MAPK4: variants seen among roughly 807,000 people sequenced by gnomAD.
MAPK4 encodes the protein Erk3-related.
A neutral mutation model predicts 47.7 loss-of-function variants in MAPK4; 22 were observed. That is an observed-to-expected ratio of 0.46 (90% CI 0.33 to 0.66). The LOEUF (loss-of-function observed/expected upper bound fraction) is 0.66, where lower values mean the gene tolerates loss of function less well. MAPK4 is among the 30% of genes least tolerant of loss of function. MAPK4 has a pLI of 0.02. For synonymous variants in MAPK4, 390 were observed against 365.7 expected (o/e 1.07, Z -0.76); for missense variants, 736 against 831.7 (o/e 0.88, Z 1.42).
chr18:50,586,108 G>A (rs2042385640), intron 1 of MAPK4, among the ~76,000 whole-genome samples: 1 of 152,160 alleles, frequency 6.6e-6, no homozygotes, highest in African/African-American at 2.4e-5. Context: ...TCTGTACAGG[G>A]ACATCTTATA....
intron 1 of MAPK4, among the ~76,000 whole-genome samples, chr18:50,647,685 C>T (rs955587902): frequency 1.3e-5 from 2 of 152,156 alleles, no homozygotes; most frequent in Admixed American, 6.5e-5. Flanking sequence ...TTCCACACCT[C>T]GTTCAGCTCC....
chr18:50,635,690 A>G (rs2042879366), intron 1 of MAPK4, among the ~76,000 whole-genome samples: 2 of 152,176 alleles, frequency 1.3e-5, no homozygotes, highest in African/African-American at 2.4e-5. Context: ...CCTGGTCCAT[A>G]AGACCCCATG....
At chr18:50,584,285 G>A (rs2042370730) in intron 1 of MAPK4, among the ~76,000 whole-genome samples, 1 of 152,168 alleles carries the variant, frequency 6.6e-6, no homozygotes, top group South Asian at 2.1e-4. Flanking sequence ...CCTATGGGAT[G>A]TTCTGGGGTT....
chr18:50,673,455 G>A (rs988623506), intron 2 of MAPK4, among the ~76,000 whole-genome samples: 8 of 152,242 alleles, frequency 5.3e-5, no homozygotes, highest in Non-Finnish European at 1.2e-4. Context: ...CGCTGGAGTG[G>A]AGCTAGTGTG....
At chr18:50,613,653 T>C (rs1433152507) in intron 1 of MAPK4, among the ~76,000 whole-genome samples, 1 of 152,268 alleles carries the variant, frequency 6.6e-6, no homozygotes, top group Non-Finnish European at 1.5e-5. Flanking sequence ...TGCACGTATC[T>C]GCAAACACTG....
At chr18:50,666,184 G>C (rs546401218) in intron 2 of MAPK4, among the ~76,000 whole-genome samples, 42 of 152,330 alleles carry the variant, frequency 2.8e-4, no homozygotes, top group Non-Finnish European at 5.3e-4. Context: ...GAAGGTCCAG[G>C]AAGATGGTTT....
intron 1 of MAPK4, among the ~76,000 whole-genome samples, chr18:50,567,988 C>T (rs376456086): frequency 2.6e-5 from 4 of 151,876 alleles, no homozygotes; most frequent in Non-Finnish European, 5.9e-5. Context: ...TGAGGTCAGG[C>T]GATCGAGACC....
intron 2 of MAPK4, among the ~76,000 whole-genome samples, chr18:50,668,899 T>C (rs1168777175): frequency 6.6e-6 from 1 of 152,244 alleles, no homozygotes; most frequent in Non-Finnish European, 1.5e-5. Flanking sequence ...GATTGTCTTT[T>C]CTGCCAAATC....
intron 4 of MAPK4, among the ~76,000 whole-genome samples, chr18:50,725,631 C>T (rs1250810439): frequency 1.3e-5 from 2 of 152,204 alleles, no homozygotes; most frequent in South Asian, 2.1e-4. Flanking sequence ...CCCACCTGTG[C>T]TTGCTGGGAT....
At chr18:50,572,150 G>A (rs1393043348) in intron 1 of MAPK4, among the ~76,000 whole-genome samples, 1 of 152,094 alleles carries the variant, frequency 6.6e-6, no homozygotes, top group Non-Finnish European at 1.5e-5. Context: ...TGTAGGACTC[G>A]AAGAGGGCTT....
intron 2 of MAPK4, among the ~76,000 whole-genome samples, chr18:50,680,492 TG>T (rs775546852): frequency 6.6e-6 from 1 of 152,198 alleles, no homozygotes; most frequent in Non-Finnish European, 1.5e-5. Context: ...TATTCAGAAA[TG>T]TATGTCCATC....
chr18:50,589,589 C>G (rs2042418349), intron 1 of MAPK4, among the ~76,000 whole-genome samples: 1 of 132,486 alleles, frequency 7.5e-6, no homozygotes, highest in African/African-American at 2.7e-5. Context: ...GAGCGAGACT[C>G]CGTCTCAAAA....
At chr18:50,685,872 T>G (rs1258004967) in intron 2 of MAPK4, among the ~76,000 whole-genome samples, 1 of 152,146 alleles carries the variant, frequency 6.6e-6, no homozygotes, top group East Asian at 1.9e-4. Flanking sequence ...GTTTTCTCGG[T>G]GGCACTGATC....
chr18:50,682,497 A>G (rs1228509980), intron 2 of MAPK4, among the ~76,000 whole-genome samples: 1 of 152,240 alleles, frequency 6.6e-6, no homozygotes, highest in Admixed American at 6.5e-5. Context: ...AAAGCAAGTG[A>G]CAGATTAATA....
At chr18:50,699,047 A>G (rs1290053470) in intron 2 of MAPK4, among the ~76,000 whole-genome samples, 1 of 152,156 alleles carries the variant, frequency 6.6e-6, no homozygotes, top group East Asian at 1.9e-4. Flanking sequence ...AAAATTGAGT[A>G]ATATATAAAA....
intron 1 of MAPK4, among the ~76,000 whole-genome samples, chr18:50,581,084 C>T (rs1349324762): frequency 6.6e-6 from 1 of 152,200 alleles, no homozygotes; most frequent in East Asian, 1.9e-4. Context: ...TGGGCACTCT[C>T]AACATCCTAA....
At chr18:50,616,161 T>C (rs2149379862) in intron 1 of MAPK4, among the ~76,000 whole-genome samples, 1 of 152,316 alleles carries the variant, frequency 6.6e-6, no homozygotes, top group South Asian at 2.1e-4. Flanking sequence ...AGGGTCTGTG[T>C]AAATCTTCCT....
Position 50,730,322 on chromosome 18 carries a change from G to A in MAPK4, c.*468G>A, listed in dbSNP as rs1034323746. 3 of 154,242 alleles carry A rather than the reference G, an allele frequency of 1.9e-5. No homozygotes were observed. The highest frequency in any genetic ancestry group is 7.2e-5 in the African/African-American group (3 of 41,498). The allele number at this position is 154,242 out of a possible 1,614,324, so 9.6% of individuals were successfully genotyped here. On this transcript the variant is annotated 3_prime_UTR_variant, in exon 6 of 6. Transcript: ENST00000400384. ...GACGAGCTTGAAATCCCAGTCTCCT[G>A]GCCCCCAGGCCAGGGTCTGTCCACC...
rs1469918306 is a variant in MAPK4 at position 50,630,147 on chromosome 18, G to C, written c.-870-32942G>C. 2.0e-5 allele frequency among the ~76,000 whole-genome samples: 3 copies of C among 152,194 alleles called. No homozygotes were observed. The East Asian group carries it at 5.8e-4, about 29-fold the overall frequency. On this transcript the variant is annotated intron_variant, in intron 1 of 5. Coordinates refer to ENST00000400384, the MANE Select transcript of MAPK4 (RefSeq NM_002747.4). ...ATGCTGGCCGAGTTCCCTTTGGATA[G>C]ATACTGAGACTTGAGGGATTTATGC... is the stretch of plus-strand genomic sequence containing the variant.
Sources: allele counts gnomAD v4.1 joint callset (sites outside exome capture counted in the v4.1 genomes callset), GRCh38; gene constraint gnomAD v4.1.1; transcripts MANE v1.5; gene names NCBI Gene and HGNC (gene_info 2026-07-23, HGNC 2026-07-21).